Variants in IQCM observed in about 807,000 individuals in gnomAD.
The protein encoded by IQCM is IQ domain-containing protein M.
Under a neutral mutation model 57.6 loss-of-function variants are expected in IQCM, and 45 were observed. That is an observed-to-expected ratio of 0.78 (90% CI 0.62 to 1.00). IQCM has a LOEUF of 1.00. Ranked by LOEUF, IQCM falls within the 50% of genes least tolerant of loss-of-function variation. IQCM has a pLI of 0.00. For missense variants in IQCM, 468 were observed against 511.6 expected (o/e 0.91, Z 0.82); for synonymous variants, 148 against 158.9 (o/e 0.93, Z 0.51).
intron 12 of IQCM, among the ~76,000 whole-genome samples, chr4:149,456,235 G>C (rs755897058): frequency 6.6e-6 from 1 of 152,098 alleles, no homozygotes; most frequent in Middle Eastern, 3.4e-3. Context: ...ATAAACTTGG[G>C]GGAACTTAGC....
At chr4:149,594,882 G>A (rs1753610723) in intron 8 of IQCM, among the ~76,000 whole-genome samples, 2 of 152,054 alleles carry the variant, frequency 1.3e-5, no homozygotes, top group Admixed American at 6.6e-5. Flanking sequence ...CCAACTATGT[G>A]GTCAATTTTG....
intron 9 of IQCM, among the ~76,000 whole-genome samples, chr4:149,572,305 G>T (rs1751233679): frequency 6.6e-6 from 1 of 150,956 alleles, no homozygotes; most frequent in Non-Finnish European, 1.5e-5. Context: ...TTTTATTTTA[G>T]AAACAGAGTC....
chr4:149,771,990 G>C (rs1770630131), intron 2 of IQCM, among the ~76,000 whole-genome samples: 1 of 152,074 alleles, frequency 6.6e-6, no homozygotes, highest in African/African-American at 2.4e-5. Flanking sequence ...GTTCTGTCCA[G>C]GTTAGCATTT....
intron 12 of IQCM, among the ~76,000 whole-genome samples, chr4:149,440,983 T>C (rs991811659): frequency 6.6e-6 from 1 of 152,140 alleles, no homozygotes. Context: ...ACTTAACAAA[T>C]GTACAATTTC....
intron 5 of IQCM, among the ~76,000 whole-genome samples, chr4:149,697,429 A>AT (rs904726103): frequency 6.6e-6 from 1 of 152,122 alleles, no homozygotes; most frequent in Non-Finnish European, 1.5e-5. Context: ...GTTAAAAAAA[A>AT]AGAGTTGATT....
chr4:149,419,731 C>T (rs1733994641), intron 13 of IQCM, among the ~76,000 whole-genome samples: 1 of 152,050 alleles, frequency 6.6e-6, no homozygotes, highest in South Asian at 2.1e-4. Flanking sequence ...AAAAATCTTG[C>T]AATCTACCCA....
chr4:149,785,377 T>C (rs1300804129), intron 2 of IQCM, among the ~76,000 whole-genome samples: 1 of 152,156 alleles, frequency 6.6e-6, no homozygotes, highest in African/African-American at 2.4e-5. Context: ...AATCAAGAAA[T>C]GTATAAAATA....
intron 7 of IQCM, among the ~76,000 whole-genome samples, chr4:149,643,220 A>T (rs1435427203): frequency 6.6e-6 from 1 of 152,180 alleles, no homozygotes; most frequent in Admixed American, 6.5e-5. Context: ...TATTTATTTC[A>T]TATTTATTAG....
chr4:149,767,381 G>T (rs1215840708), intron 2 of IQCM, among the ~76,000 whole-genome samples: 3 of 151,568 alleles, frequency 2.0e-5, no homozygotes, highest in African/African-American at 7.3e-5. Flanking sequence ...CTCTACAACT[G>T]GTTTTTCAAC....
At chr4:149,679,734 C>T (rs570030321) in intron 7 of IQCM, among the ~76,000 whole-genome samples, 3 of 151,332 alleles carry the variant, frequency 2.0e-5, no homozygotes, top group African/African-American at 7.2e-5. Flanking sequence ...GCTATATCTA[C>T]ATTTTTTACT....
At chr4:149,585,418 A>G (rs1325449111) in intron 9 of IQCM, among the ~76,000 whole-genome samples, 1 of 151,766 alleles carries the variant, frequency 6.6e-6, no homozygotes, top group Non-Finnish European at 1.5e-5. Context: ...CAGGATTTCA[A>G]ATAAAGAAGA....
rs554964956 is a variant in IQCM, at chr4:149,765,946, A to G, written c.-48-23207T>C. On this transcript the variant is annotated intron_variant, in intron 2 of 13. Coordinates refer to ENST00000636793, the MANE Select transcript of IQCM (RefSeq NM_001363507.2). ...TTTTTTGACCAAGATCCATGGTTTC[A>G]TCCCCAACCAATTAGCAGCACCCAT... Among the ~76,000 whole-genome samples the G allele has an allele frequency of 3.3e-5, 5 of 152,164 alleles. No individual in the cohort carries two copies. In the East Asian group the frequency reaches 9.7e-4, roughly 29 times the overall value.
At chr4:149,360,900 T>G (rs957638243) in intron 13 of IQCM, among the ~76,000 whole-genome samples, 8 of 152,006 alleles carry the variant, frequency 5.3e-5, no homozygotes, top group African/African-American at 1.9e-4. Context: ...CACGCAGAAG[T>G]TGGAACAGTT....
chr4:149,496,091 A>G (rs749576130), intron 12 of IQCM, among the ~76,000 whole-genome samples: 3 of 152,110 alleles, frequency 2.0e-5, no homozygotes, highest in Non-Finnish European at 2.9e-5. Context: ...TCTTTGAGAA[A>G]TGTGCAATAA....
intron 2 of IQCM, among the ~76,000 whole-genome samples, chr4:149,800,808 T>C (rs932888101): frequency 1.3e-5 from 2 of 151,772 alleles, no homozygotes; most frequent in African/African-American, 2.4e-5. Context: ...ATGAAAACTA[T>C]AAAACACTAA....
intron 13 of IQCM, among the ~76,000 whole-genome samples, chr4:149,410,217 C>CCCCA (rs759230465): frequency 2.8e-4 from 42 of 151,832 alleles, no homozygotes; most frequent in Non-Finnish European, 5.0e-4. Context: ...AAACAAAAAA[C>CCCCA]CCCACAGTTC....
intron 12 of IQCM, among the ~76,000 whole-genome samples, chr4:149,459,855 C>G (rs561096016): frequency 1.8e-4 from 27 of 152,300 alleles, no homozygotes; most frequent in African/African-American, 6.3e-4. Context: ...ATTTTAGCTA[C>G]TGTGAATAAT....
At chr4:149,408,747 CT>C (rs1482780271) in intron 13 of IQCM, among the ~76,000 whole-genome samples, 1 of 151,930 alleles carries the variant, frequency 6.6e-6, no homozygotes, top group African/African-American at 2.4e-5. Flanking sequence ...TTTTCTTTTT[CT>C]TTTTTTAGAT....
chr4:149,531,655 C>G (rs1579387381), intron 12 of IQCM, among the ~76,000 whole-genome samples: 1 of 151,940 alleles, frequency 6.6e-6, no homozygotes, highest in Non-Finnish European at 1.5e-5. Flanking sequence ...CATTTATCAC[C>G]AGCAACTGTT....
Sources: allele counts gnomAD v4.1 joint callset (sites outside exome capture counted in the v4.1 genomes callset), GRCh38; gene constraint gnomAD v4.1.1; transcripts MANE v1.5; gene names NCBI Gene and HGNC (gene_info 2026-07-23, HGNC 2026-07-21).